The following GABRG2 variants were observed in gnomAD, a reference collection of about 807,000 sequenced individuals.
GABRG2 encodes gamma-aminobutyric acid type A receptor subunit gamma2.
Under a neutral mutation model 56.4 loss-of-function variants are expected in GABRG2, and 16 were observed. That is an observed-to-expected ratio of 0.28 (90% confidence interval 0.19 to 0.43). The LOEUF is 0.43. Among genes scored for constraint, GABRG2 ranks in the 20% least tolerant of loss-of-function variants. The pLI is 1.00. For missense variants in GABRG2, 327 were observed against 582.7 expected, an observed-to-expected ratio of 0.56 and a Z score of 4.52; for synonymous variants, 208 against 205.5, an observed-to-expected ratio of 1.01 and a Z score of -0.10.
In GABRG2 at chr5:162,149,296, A is replaced by G. The variant is rs1164039510; in HGVS notation, c.1111A>G (p.Lys371Glu). ...CCGGAAACCAAGCAAGGACAAAGATAAAAAGAAGAAAAACCCTGTATGTAT... is the reference window on the plus strand; with the variant it reads ...CCGGAAACCAAGCAAGGACAAAGATGAAAAGAAGAAAAACCCTGTATGTAT... Reference protein sequence around the residue: ...SNRKPSKDKDKKKKNPLLRMF... With the variant: ...SNRKPSKDKDEKKKNPLLRMF... The change falls in exon 8 of 10, where the codon AAA becomes GAA. Residue 371 changes from lysine (K) to glutamate (E), a missense_variant. By Grantham distance (56) the Lys-to-Glu change is moderately conservative (BLOSUM62 1). Coordinates refer to ENST00000639213, the MANE Select transcript of GABRG2 (RefSeq NM_198904.4). 4 of 1,613,816 alleles carry G rather than the reference A, an allele frequency of 2.5e-6. No homozygotes were observed. The highest frequency in any genetic ancestry group is 2.2e-5 in the East Asian group (1 of 44,888).
intron 1 of GABRG2, among the ~76,000 whole-genome samples, chr5:162,079,515 A>G (rs1759476128): frequency 6.6e-6 from 1 of 152,058 alleles, no homozygotes; most frequent in Non-Finnish European, 1.5e-5. Context: ...CCTACCCACT[A>G]TGTTGCTAGC....
At chr5:162,109,217 G>A (rs1047816826) in intron 6 of GABRG2, among the ~76,000 whole-genome samples, 1 of 151,388 alleles carries the variant, frequency 6.6e-6, no homozygotes, top group African/African-American at 2.4e-5. Flanking sequence ...ACAGGAAGGG[G>A]AACATCACAC....
intron 1 of GABRG2, among the ~76,000 whole-genome samples, chr5:162,085,256 A>G (rs1429397147): frequency 1.3e-5 from 2 of 152,020 alleles, no homozygotes; most frequent in Non-Finnish European, 2.9e-5. Flanking sequence ...TTGTACATAT[A>G]TTAAGTGGAA....
At chr5:162,083,835 C>T (rs1343217253) in intron 1 of GABRG2, among the ~76,000 whole-genome samples, 1 of 151,814 alleles carries the variant, frequency 6.6e-6, no homozygotes, top group Non-Finnish European at 1.5e-5. Context: ...GTCACTGTTT[C>T]CCAAGTTCAA....
intron 1 of GABRG2, among the ~76,000 whole-genome samples, chr5:162,084,916 T>C (rs924471426): frequency 2.0e-5 from 3 of 151,860 alleles, no homozygotes; most frequent in South Asian, 2.1e-4. Flanking sequence ...CATGTTATCA[T>C]TATAGTCCAA....
chr5:162,084,751 A>G (rs905015762), intron 1 of GABRG2, among the ~76,000 whole-genome samples: 1 of 151,914 alleles, frequency 6.6e-6, no homozygotes, highest in African/African-American at 2.4e-5. Flanking sequence ...ACATTTCTTG[A>G]TGGTAAATAA....
At chr5:162,106,462 A>AT (rs756540595) in intron 6 of GABRG2, among the ~76,000 whole-genome samples, 3 of 152,076 alleles carry the variant, frequency 2.0e-5, no homozygotes, top group Non-Finnish European at 4.4e-5. Flanking sequence ...GTGACAGCTG[A>AT]TTTTTTTAAT....
intron 6 of GABRG2, 113 bp from the exon 7 acceptor site, chr5:162,142,051 G>T (rs1273148014): frequency 1.5e-6 from 2 of 1,343,620 alleles, no homozygotes; most frequent in Non-Finnish European, 2.1e-6. Context: ...CATACCACTT[G>T]TAGAAAACTC....
chr5:162,072,255 T>C (rs536015642), intron 1 of GABRG2, among the ~76,000 whole-genome samples: 1 of 152,118 alleles, frequency 6.6e-6, no homozygotes, highest in Admixed American at 6.6e-5. Context: ...GCTATAAATA[T>C]TATGTTACTA....
At chr5:162,095,430 A>G (rs1216303933) in intron 2 of GABRG2, 65 bp from the exon 3 acceptor site, 1 of 988,454 alleles carries the variant, frequency 1.0e-6, no homozygotes, top group Non-Finnish European at 1.6e-6. Context: ...TCTAGAAAAC[A>G]AAGATTAAAA....
At chr5:162,129,093 C>G (rs903694083) in intron 6 of GABRG2, 1 of 151,864 alleles carries the variant, frequency 6.6e-6, no homozygotes, top group Non-Finnish European at 1.5e-5. Flanking sequence ...ACACAGGAAG[C>G]CTTTTCGAAT....
intron 1 of GABRG2, among the ~76,000 whole-genome samples, chr5:162,070,859 G>T (rs1178194853): frequency 6.6e-6 from 1 of 151,896 alleles, no homozygotes; most frequent in East Asian, 1.9e-4. Flanking sequence ...TTCAACAGGA[G>T]TATTTTCAAC....
chr5:162,067,625 G>C (rs373854070), upstream of GABRG2: 219 of 496,602 alleles, frequency 4.4e-4, no homozygotes, highest in African/African-American at 3.6e-3. Flanking sequence ...CAAAGAGATG[G>C]ACCCAGGGGA....
Position 162,103,681 on chromosome 5 carries a change from A to G in GABRG2, c.632-208A>G. On this transcript the variant is annotated intron_variant, in intron 5 of 9. Transcript: ENST00000639213. The stretch of plus-strand genomic sequence containing the variant: ...TAAATTATTTTCAAGAGTAAATTTG[A>G]CCTTTGGATTTTTGAATCTAACTTC... 5.0e-6 allele frequency: 3 copies of G among 595,636 alleles called. No individual in the cohort carries two copies. In the South Asian group the frequency reaches 6.0e-5, roughly 12 times the overall value. 36.9% of individuals were successfully genotyped at this position (595,636 alleles called of 1,614,324 possible). A position where few individuals can be genotyped will look rare whatever the true frequency, so the allele number is the denominator to read the frequency against.
chr5:162,080,405 A>G (rs925937637), intron 1 of GABRG2, among the ~76,000 whole-genome samples: 1 of 152,146 alleles, frequency 6.6e-6, no homozygotes, highest in African/African-American at 2.4e-5. Flanking sequence ...GAAGACCATT[A>G]TCATCATAGG....
At chr5:162,114,253 C>A (rs1762454849) in intron 6 of GABRG2, among the ~76,000 whole-genome samples, 1 of 152,020 alleles carries the variant, frequency 6.6e-6, no homozygotes, top group Non-Finnish European at 1.5e-5. Context: ...ACTCCCTGTC[C>A]TATTTCCTAT....
chr5:162,143,841 G>C (rs1764762049), intron 7 of GABRG2, among the ~76,000 whole-genome samples: 1 of 152,168 alleles, frequency 6.6e-6, no homozygotes, highest in Non-Finnish European at 1.5e-5. Flanking sequence ...GGCTACTATA[G>C]TCATTTTCTG....
At chr5:162,115,290 C>T (rs559509513) in intron 6 of GABRG2, among the ~76,000 whole-genome samples, 3 of 152,234 alleles carry the variant, frequency 2.0e-5, no homozygotes, top group South Asian at 2.1e-4. Flanking sequence ...ACTCCTGAAA[C>T]ACTGTGTCAT....
At chr5:162,068,467 T>TG (rs1441753329) in intron 1 of GABRG2, among the ~76,000 whole-genome samples, 3 of 132,408 alleles carry the variant, frequency 2.3e-5, no homozygotes, top group Admixed American at 7.8e-5. Flanking sequence ...GCATTTTGGG[T>TG]GGGGGTCTGA....
Sources: gnomAD v4.1 joint callset for allele counts (sites outside exome capture counted in the v4.1 genomes callset) on GRCh38, gnomAD v4.1.1 for gene constraint, MANE v1.5 for transcripts, NCBI Gene and HGNC (gene_info 2026-07-23, HGNC 2026-07-21) for gene names.